PPL: variants seen among roughly 807,000 people sequenced by gnomAD.
PPL encodes the protein periplakin, also known as 190 kDa paraneoplastic pemphigus antigen.
A neutral mutation model predicts 194.4 loss-of-function variants in PPL; 198 were observed. That is an observed-to-expected ratio of 1.02 (90% CI 0.91 to 1.15). The LOEUF is 1.15. PPL is among the 50% of genes most tolerant of loss of function. The probability of loss-of-function intolerance (pLI) is 0.00; values close to 1 mark genes in which losing one functional copy is unlikely to be tolerated. For missense variants in PPL, 2,885 were observed against 2,294.8 expected, an observed-to-expected ratio of 1.26 and a Z score of -5.25; for synonymous variants, 1,220 against 972.4, an observed-to-expected ratio of 1.25 and a Z score of -4.74.
chr16:4,900,309 A>G (rs1035485311), intron 6 of PPL, among the ~76,000 whole-genome samples: 2 of 151,892 alleles, frequency 1.3e-5, no homozygotes, highest in African/African-American at 4.8e-5. Context: ...GACAGGCTGT[A>G]CCCCTGGGGC....
Position 4,889,241 on chromosome 16 carries a change from G to GGTTTTTTTTTTTTTTTTTTTTTTTTT in PPL, c.2314-181_2314-180insAAAAAAAAAAAAAAAAAAAAAAAAAC, listed in dbSNP as rs1442783436. On this transcript the variant is annotated intron_variant, in intron 18 of 21. Coordinates refer to ENST00000345988, the MANE Select transcript of PPL (RefSeq NM_002705.5). ...AAAAGGCAGTTTTTTTGTTGTTGTT[G>GGTTTTTTTTTTTTTTTTTTTTTTTTT]TTTTTTTTTTTTTTTTTTTTTTTTT... is the stretch of plus-strand genomic sequence containing the variant. 2.1e-4 allele frequency among the ~76,000 whole-genome samples: 14 copies of GGTTTTTTTTTTTTTTTTTTTTTTTTT among 66,636 alleles called. 1 individual carries two copies. Among genetic ancestry groups the GGTTTTTTTTTTTTTTTTTTTTTTTTT allele is most frequent in the East Asian group, 9.5e-4 (2 of 2,102 alleles). 43.7% of individuals were successfully genotyped at this position (66,636 alleles called of 152,430 possible).
chr16:4,895,557 C>T (rs752415041), intron 10 of PPL, 37 bp downstream of exon 10: 12 of 1,612,560 alleles, frequency 7.4e-6, no homozygotes, highest in South Asian at 1.1e-5. Flanking sequence ...GGGTCCCCCG[C>T]CCCCCGGGCC....
At chr16:4,891,584 G>A in intron 16 of PPL, 1 of 524,774 alleles carries the variant, frequency 1.9e-6, no homozygotes, top group Non-Finnish European at 3.3e-6. Context: ...GGCTATTGCA[G>A]ATATTTGATC....
At position 4,893,113 on chromosome 16, in the gene PPL, A is replaced by G. The variant is rs143774235; in HGVS notation, c.1650+100T>C. On this transcript the variant is annotated intron_variant, in intron 14 of 21. Transcript: ENST00000345988. ...CTGTCCCTGACAGACAGCTGCAGTGAATATCCCAAGACTCCATGGGGAAAA... is the reference window on the plus strand; with the variant it reads ...CTGTCCCTGACAGACAGCTGCAGTGGATATCCCAAGACTCCATGGGGAAAA... 904 of 1,361,370 alleles carry G rather than the reference A, an allele frequency of 6.6e-4. 4 individuals are homozygous for G. The African/African-American group carries it at 0.012, about 18-fold the overall frequency. The allele number at this position is 1,361,370 out of a possible 1,614,324, so 84.3% of individuals were successfully genotyped here.
intron 2 of PPL, among the ~76,000 whole-genome samples, chr16:4,907,558 G>C (rs937829298): frequency 6.6e-6 from 1 of 152,146 alleles, no homozygotes; most frequent in Non-Finnish European, 1.5e-5. Context: ...GGGGAAAGGG[G>C]AGGTGGGGAG....
At chr16:4,892,375 G>A (rs568853557) in intron 14 of PPL, among the ~76,000 whole-genome samples, 162 bp from the exon 15 acceptor site, 2 of 152,364 alleles carry the variant, frequency 1.3e-5, no homozygotes, top group South Asian at 2.1e-4. Context: ...ACCCCAGCCT[G>A]AGGGCTGTAT....
chr16:4,924,434 C>A (rs540541836), intron 1 of PPL, among the ~76,000 whole-genome samples: 1 of 152,150 alleles, frequency 6.6e-6, no homozygotes, highest in Non-Finnish European at 1.5e-5. Flanking sequence ...GCTCTAAGCC[C>A]GCAGTGACCA....
chr16:4,909,416 G>T (rs1263395542), intron 2 of PPL, among the ~76,000 whole-genome samples: 5 of 139,608 alleles, frequency 3.6e-5, no homozygotes, highest in Non-Finnish European at 7.6e-5. Flanking sequence ...CCACTCCTCT[G>T]GTCCCACCTT....
intron 2 of PPL, 61 bp downstream of exon 2, chr16:4,910,789 G>A: frequency 7.2e-7 from 1 of 1,379,660 alleles, no homozygotes; most frequent in South Asian, 1.2e-5. Flanking sequence ...AACAGATCCT[G>A]GTCCTGAACA....
chr16:4,883,228 C>A lies in PPL; in HGVS notation c.*156G>T, dbSNP rs2088133392. On this transcript the variant is annotated 3_prime_UTR_variant, in exon 22 of 22. Coordinates refer to ENST00000345988, the MANE Select transcript of PPL (RefSeq NM_002705.5). The surrounding 1 kb of genome is among the most constrained non-coding windows in gnomAD (Gnocchi z 4.8). The stretch of plus-strand genomic sequence containing the variant: ...TTGCCTGTCTTCAGCCAGTGCCTGT[C>A]TCATATGTGGGCGGGACTCTGAGCA... 2.1e-6 allele frequency: 2 copies of A among 965,182 alleles called. No homozygotes were observed. Among genetic ancestry groups the A allele is most frequent in the Admixed American group, 2.4e-5 (1 of 41,254 alleles). 59.8% of individuals were successfully genotyped at this position (965,182 alleles called of 1,614,324 possible). A position where few individuals can be genotyped will look rare whatever the true frequency, so the allele number is the denominator to read the frequency against.
intron 2 of PPL, among the ~76,000 whole-genome samples, chr16:4,910,448 C>G (rs1490740354): frequency 6.6e-6 from 1 of 152,154 alleles, no homozygotes; most frequent in Non-Finnish European, 1.5e-5. Context: ...GGTCACCCAG[C>G]AAGGACAAGG....
chr16:4,919,070 CCA>C (rs1284164024), intron 1 of PPL, among the ~76,000 whole-genome samples: 3 of 152,328 alleles, frequency 2.0e-5, no homozygotes, highest in African/African-American at 7.2e-5. Flanking sequence ...TCCCCCCTCC[CCA>C]CACACACACC....
At chr16:4,896,257 C>T (rs1004638708) in intron 9 of PPL, among the ~76,000 whole-genome samples, 1 of 152,204 alleles carries the variant, frequency 6.6e-6, no homozygotes, top group African/African-American at 2.4e-5. Context: ...CGCCCACATC[C>T]AGCTTTCCCC....
intron 1 of PPL, among the ~76,000 whole-genome samples, chr16:4,921,061 G>C (rs181370147): frequency 6.6e-6 from 1 of 152,196 alleles, no homozygotes; most frequent in Non-Finnish European, 1.5e-5. Context: ...AAGCCTCTAC[G>C]AGTCACCTCG....
intron 1 of PPL, among the ~76,000 whole-genome samples, chr16:4,927,633 T>G (rs2089176170): frequency 6.6e-6 from 1 of 152,264 alleles, no homozygotes; most frequent in African/African-American, 2.4e-5. Flanking sequence ...ATTCTCTCAC[T>G]ACTAGAAACT....
Position 4,884,473 on chromosome 16 carries a change from G to GCGCTGCAGCCGC in PPL, c.4170_4181dup (p.Leu1392_Arg1395dup). 6.2e-7 allele frequency: 1 copy of GCGCTGCAGCCGC among 1,603,244 alleles called. No individual in the cohort carries two copies. Among genetic ancestry groups the GCGCTGCAGCCGC allele is most frequent in the East Asian group, 2.2e-5 (1 of 44,800 alleles). The stretch of plus-strand genomic sequence containing the variant: ...GCTGCCGCTCAAGCTCGGTGCGCCG[G>GCGCTGCAGCCGC]CGCTGCAGCCGCCGCAGCTCTGCCC... On this transcript the variant is annotated inframe_insertion, in exon 22 of 22. Coordinates refer to ENST00000345988, the MANE Select transcript of PPL (RefSeq NM_002705.5). The surrounding 1 kb of genome is among the most constrained non-coding windows in gnomAD (Gnocchi z 5.7).
chr16:4,912,506 A>T (rs183508228), intron 1 of PPL, among the ~76,000 whole-genome samples: 1 of 152,212 alleles, frequency 6.6e-6, no homozygotes, highest in Non-Finnish European at 1.5e-5. Context: ...TCACGCTGCT[A>T]TGAACGTTCG....
chr16:4,883,065 GT>G lies in PPL; in HGVS notation c.*318del. The G allele has an allele frequency of 3.0e-6, 1 of 331,750 alleles. No individual in the cohort carries two copies. Among genetic ancestry groups the G allele is most frequent in the Non-Finnish European group, 5.7e-6 (1 of 176,520 alleles). 20.6% of individuals were successfully genotyped at this position (331,750 alleles called of 1,614,324 possible). ...GCTGTGGTTGGCTTGTCCTTCAGTG[GT>G]TTTCAGATTGTGTGCAGTTATCATG... On this transcript the variant is annotated 3_prime_UTR_variant, in exon 22 of 22. Transcript: ENST00000345988. This position sits in a 1 kb window ranked among gnomAD's most constrained non-coding sequence, Gnocchi z 4.8.
intron 1 of PPL, among the ~76,000 whole-genome samples, chr16:4,920,350 A>AGAAG (rs1568048937): frequency 1.4e-5 from 1 of 69,346 alleles, no homozygotes; most frequent in Admixed American, 1.5e-4. Flanking sequence ...AGAGAGAGAA[A>AGAAG]GAAAGAAAGA....
Sources: gnomAD v4.1 joint callset for allele counts (sites outside exome capture counted in the v4.1 genomes callset) on GRCh38, gnomAD v4.1.1 for gene constraint, Gnocchi (gnomAD v3.1) non-coding constraint, MANE v1.5 for transcripts, NCBI Gene and HGNC (gene_info 2026-07-23, HGNC 2026-07-21) for gene names.